The following RASSF1 variants were observed in gnomAD, a reference collection of about 807,000 sequenced individuals.
RASSF1 encodes the protein Ras association domain family member 1, also known as ras association domain-containing protein 1.
Under a neutral mutation model 34.3 loss-of-function variants are expected in RASSF1, and 33 were observed. The observed-to-expected ratio is 0.96, with a 90% CI of 0.73 to 1.29. The LOEUF is 1.29. RASSF1 is among the 50% of genes most tolerant of loss of function. The pLI, the probability that RASSF1 is intolerant of heterozygous loss-of-function variation, is 0.00. For missense variants in RASSF1, 445 were observed against 471.8 expected (o/e 0.94, Z 0.53); for synonymous variants, 191 against 195.0 (o/e 0.98, Z 0.17).
In RASSF1 at chr3:50,331,848, G is replaced by A. The variant is rs200807174; in HGVS notation, c.471C>T (p.Asp157=). ...CCTTGATGAAGCCTGTGTAAGAACCGTCCTTGTTCTAAAGAAATAGAGAAA... is the reference window on the plus strand; with the variant it reads ...CCTTGATGAAGCCTGTGTAAGAACCATCCTTGTTCTAAAGAAATAGAGAAA... ...NSNLFMSLNK[D]GSYTGFIKVQ... Residue 157 remains aspartate (D), a synonymous_variant, in exon 4 of 6, where the codon GAC becomes GAT. Transcript: ENST00000359365. 3.1e-5 allele frequency: 48 copies of A among 1,562,418 alleles called. No homozygotes were observed. Among genetic ancestry groups the A allele is most frequent in the Admixed American group, 1.5e-4 (8 of 53,614 alleles).
Position 50,330,406 on chromosome 3 carries a change from A to G in RASSF1, c.*175T>C. ...GAGGGGTGCAGAGCCATACCTGGCT[A>G]CACCCACAGGTGGACACAGGGAGCA... is the stretch of plus-strand genomic sequence containing the variant. On this transcript the variant is annotated 3_prime_UTR_variant, in exon 6 of 6. Coordinates refer to ENST00000359365, the MANE Select transcript of RASSF1 (RefSeq NM_007182.5). The surrounding 1 kb of genome is among the most constrained non-coding windows in gnomAD (Gnocchi z 4.5). 2.3e-6 allele frequency: 2 copies of G among 876,620 alleles called. No individual in the cohort carries two copies. The highest frequency in any genetic ancestry group is 3.4e-6 in the Non-Finnish European group (2 of 583,670). 54.3% of individuals were successfully genotyped at this position (876,620 alleles called of 1,614,324 possible).
Position 50,330,567 on chromosome 3 carries a change from G to A in RASSF1, c.*14C>T, listed in dbSNP as rs199781226. The stretch of plus-strand genomic sequence containing the variant: ...GCTGCCTGCTGTCTGCCTTCCACCT[G>A]GGGGTACAAGAGGTCACCCAAGGGG... On this transcript the variant is annotated 3_prime_UTR_variant, in exon 6 of 6. Transcript: ENST00000359365. The surrounding 1 kb of genome is among the most constrained non-coding windows in gnomAD (Gnocchi z 4.5). 3.5e-5 allele frequency: 57 copies of A among 1,613,476 alleles called. No individual in the cohort carries two copies. In the African/African-American group the frequency reaches 6.8e-4, roughly 19 times the overall value.
intron 2 of RASSF1, chr3:50,336,635 T>C (rs1488272353): frequency 1.9e-5 from 3 of 153,950 alleles, no homozygotes; most frequent in African/African-American, 7.2e-5. Context: ...GAACAGAATC[T>C]TCCACATTCC....
chr3:50,336,951 T>C lies in RASSF1; in HGVS notation c.357+954A>G, dbSNP rs1293960118. ...AGCTGCTTTTTCCGTGTTCAACCTG[T>C]CTGTGACAGAAACCAAGGGGGCCCC... On this transcript the variant is annotated intron_variant, in intron 2 of 5. Transcript: ENST00000359365. 4 of 611,750 alleles carry C rather than the reference T, an allele frequency of 6.5e-6. No homozygotes were observed. The African/African-American group carries it at 7.7e-5, about 12-fold the overall frequency. 37.9% of individuals were successfully genotyped at this position (611,750 alleles called of 1,614,324 possible). A position where few individuals can be genotyped will look rare whatever the true frequency, so the allele number is the denominator to read the frequency against.
intron 2 of RASSF1, among the ~76,000 whole-genome samples, chr3:50,334,513 C>T (rs1703057192): frequency 6.6e-6 from 1 of 152,200 alleles, no homozygotes; most frequent in Admixed American, 6.5e-5. Context: ...GTACTAGGGG[C>T]AGGAGAAATG....
At chr3:50,337,479 T>C (rs1703194375) in intron 2 of RASSF1, 1 of 1,546,264 alleles carries the variant, frequency 6.5e-7, no homozygotes, top group Non-Finnish European at 8.7e-7. Flanking sequence ...ATCTAGCTCT[T>C]GTCTCATTGG....
chr3:50,337,144 C>T (rs1055796400), intron 2 of RASSF1: 2 of 1,582,150 alleles, frequency 1.3e-6, no homozygotes, highest in Non-Finnish European at 1.7e-6. Context: ...CGCTTCCCCT[C>T]CCGCCCGCCG....
intron 1 of RASSF1, chr3:50,338,285 A>C (rs1341573959): frequency 2.7e-6 from 3 of 1,127,142 alleles, no homozygotes; most frequent in South Asian, 3.3e-5. Context: ...GCAATTAAAA[A>C]AACAACAACA....
intron 2 of RASSF1, chr3:50,336,526 C>T (rs587607325): frequency 6.6e-6 from 1 of 152,414 alleles, no homozygotes; most frequent in East Asian, 1.9e-4. Flanking sequence ...AGCTTTCCCC[C>T]TTCCTGTGGG....
intron 2 of RASSF1, among the ~76,000 whole-genome samples, chr3:50,334,603 T>C (rs1228681184): frequency 6.6e-6 from 1 of 152,222 alleles, no homozygotes; most frequent in African/African-American, 2.4e-5. Context: ...TGGTGCTAAC[T>C]TGTTCTTGTG....
chr3:50,338,752 A>T (rs1681549464), intron 1 of RASSF1, among the ~76,000 whole-genome samples: 1 of 152,074 alleles, frequency 6.6e-6, no homozygotes, highest in Non-Finnish European at 1.5e-5. Context: ...TACCCACTCC[A>T]GCCAGGCTTG....
intron 2 of RASSF1, chr3:50,337,605 C>T: frequency 8.3e-7 from 1 of 1,204,426 alleles, no homozygotes; most frequent in African/African-American, 1.5e-5. Context: ...GTGCCAGCGT[C>T]CGGGCAAGCG....
intron 2 of RASSF1, among the ~76,000 whole-genome samples, chr3:50,333,035 A>G (rs1252007936): frequency 1.3e-5 from 2 of 152,178 alleles, no homozygotes; most frequent in African/African-American, 4.8e-5. Flanking sequence ...TGGAGGTTGC[A>G]GTGAACTGAG....
In RASSF1 at chr3:50,331,711, G is replaced by A. The variant is rs766149729; in HGVS notation, c.608C>T (p.Ser203Phe). The change falls in exon 4 of 6, where the codon TCC becomes TTC. Residue 203 changes from serine (S) to phenylalanine (F), a missense_variant. Physicochemically the swap from Ser to Phe is radical, Grantham distance 155. Coordinates refer to ENST00000359365, the MANE Select transcript of RASSF1 (RefSeq NM_007182.5). Reference protein sequence around the residue: ...GRGTSVRRRTSFYLPKDAVKH... With the variant: ...GRGTSVRRRTFFYLPKDAVKH... ...GACAGCATCCTTGGGCAGGTAAAAG[G>A]AAGTGCGGCGCCTGACACTTGTGCC... 1.9e-6 allele frequency: 3 copies of A among 1,613,308 alleles called. No individual in the cohort carries two copies. Among genetic ancestry groups the A allele is most frequent in the Non-Finnish European group, 2.5e-6 (3 of 1,179,536 alleles).
rs587642509 is a variant in RASSF1 at position 50,332,730 on chromosome 3, TA to T, written c.358-577del. 2.6e-3 allele frequency among the ~76,000 whole-genome samples: 399 copies of T among 152,176 alleles called. 2 individuals are homozygous for T. Among genetic ancestry groups the T allele is most frequent in the African/African-American group, 9.2e-3 (383 of 41,508 alleles). On this transcript the variant is annotated intron_variant, in intron 2 of 5. Coordinates refer to ENST00000359365, the MANE Select transcript of RASSF1 (RefSeq NM_007182.5). ...TCGTTTGAGCCCGGGAGATTGCAGC[TA>T]CAGTAAGCTATTATCGTGTCACTGC... is the stretch of plus-strand genomic sequence containing the variant.
chr3:50,330,640 T>C lies in RASSF1; in HGVS notation c.964A>G (p.Lys322Glu). Residue 322 changes from lysine (K) to glutamate (E), a missense_variant, in exon 6 of 6, where the codon AAG (lysine) becomes GAG (glutamate). Lys to Glu is a moderately conservative substitution (Grantham distance 56). Transcript: ENST00000359365. This position sits in a 1 kb window ranked among gnomAD's most constrained non-coding sequence, Gnocchi z 4.5. ...ATCTTCTGGCGGCAATAGGAGTACT[T>C]CTGCAGGATCTGGCGGAGGTGCTCC... ...EEEHLRQILQ[K>E]YSYCRQKIQE... is the part of the protein sequence containing the mutation. The C allele has an allele frequency of 6.2e-7, 1 of 1,614,132 alleles. No individual in the cohort carries two copies. The highest frequency in any genetic ancestry group is 1.6e-4 in the Middle Eastern group (1 of 6,062).
At chr3:50,338,059 A>G (rs1205627320) in intron 1 of RASSF1, 48 bp from the exon 2 acceptor site, 1 of 1,543,384 alleles carries the variant, frequency 6.5e-7, no homozygotes, top group Non-Finnish European at 8.8e-7. Flanking sequence ...GGTCGGGGAA[A>G]TGTCCCGGAG....
chr3:50,335,465 C>T (rs1703103052), intron 2 of RASSF1, among the ~76,000 whole-genome samples: 2 of 152,050 alleles, frequency 1.3e-5, no homozygotes, highest in South Asian at 4.2e-4. Context: ...TACAGGCACA[C>T]ACCACCATGG....
chr3:50,337,033 TC>T, intron 2 of RASSF1: 2 of 1,188,812 alleles, frequency 1.7e-6, no homozygotes, highest in Non-Finnish European at 2.3e-6. Flanking sequence ...CGCGGGCAGG[TC>T]CCCGGCCAGG....
Sources: gnomAD v4.1 joint callset for allele counts (sites outside exome capture counted in the v4.1 genomes callset) on GRCh38, gnomAD v4.1.1 for gene constraint, Gnocchi (gnomAD v3.1) non-coding constraint, MANE v1.5 for transcripts, NCBI Gene and HGNC (gene_info 2026-07-23, HGNC 2026-07-21) for gene names.